The following LMBRD1 variants were observed in gnomAD, a reference collection of about 807,000 sequenced individuals.
The protein encoded by LMBRD1 is LMBR1 domain containing 1, also known as lysosomal cobalamin transport escort protein LMBD1.
LMBRD1 carries 64 observed loss-of-function variants against 74.8 expected under a neutral mutation model. That is an observed-to-expected ratio of 0.86 (90% confidence interval 0.70 to 1.05). The LOEUF (loss-of-function observed/expected upper bound fraction) is 1.05, where lower values mean the gene tolerates loss of function less well. Ranked by LOEUF, LMBRD1 falls within the 50% of genes least tolerant of loss-of-function variation. LMBRD1 has a pLI of 0.00. For synonymous variants in LMBRD1, 204 were observed against 216.3 expected (o/e 0.94, Z 0.50); for missense variants, 652 against 645.9 (o/e 1.01, Z -0.10).
Position 69,746,297 on chromosome 6 carries a change from A to C in LMBRD1, c.473+3044T>G, listed in dbSNP as rs544619801. 3.4e-4 allele frequency: 53 copies of C among 153,694 alleles called. 1 individual carries two copies. Among genetic ancestry groups the C allele is most frequent in the African/African-American group, 1.0e-3 (42 of 41,570 alleles). The allele number at this position is 153,694 out of a possible 1,614,324, so 9.5% of individuals were successfully genotyped here. ...CCATGAGAAGTACAAAAATGGCATT[A>C]AGATGGTCAGCAATGCCTCCTGCAC... On this transcript the variant is annotated intron_variant, in intron 5 of 15. Transcript: ENST00000649934.
At chr6:69,749,170 T>A (rs181414286) in intron 5 of LMBRD1, among the ~76,000 whole-genome samples, 171 bp downstream of exon 5, 18 of 152,112 alleles carry the variant, frequency 1.2e-4, no homozygotes, top group Admixed American at 3.3e-4. Context: ...TGAAACAACA[T>A]AGACAAAACT....
chr6:69,779,651 G>C lies in LMBRD1; in HGVS notation c.307+843C>G, dbSNP rs149217883. The stretch of plus-strand genomic sequence containing the variant: ...GGAAATTGGTAATGATAAAAGGAGA[G>C]GTGAGATTTAAAGTAACTTGACTGA... On this transcript the variant is annotated intron_variant, in intron 3 of 15. Transcript: ENST00000649934. 4.8e-3 allele frequency among the ~76,000 whole-genome samples: 728 copies of C among 152,106 alleles called. 8 individuals carry two copies. The highest frequency in any genetic ancestry group is 0.017 in the Middle Eastern group (5 of 294).
intron 3 of LMBRD1, 144 bp downstream of exon 3, chr6:69,780,350 C>T: frequency 3.0e-6 from 2 of 669,452 alleles, no homozygotes; most frequent in South Asian, 1.5e-5. Context: ...AAACTCCCTG[C>T]TCCTTAAAAC....
intron 7 of LMBRD1, 112 bp downstream of exon 7, chr6:69,737,830 G>C: frequency 2.5e-6 from 2 of 795,916 alleles, no homozygotes; most frequent in Non-Finnish European, 4.1e-6. Context: ...AAGAAAAATT[G>C]AAAAAGAATC....
intron 3 of LMBRD1, among the ~76,000 whole-genome samples, chr6:69,772,980 A>G (rs73745777): frequency 5.5e-4 from 84 of 152,294 alleles, no homozygotes; most frequent in African/African-American, 1.8e-3. Context: ...TAACCTTACG[A>G]AGTAGGTACT....
chr6:69,775,959 A>G (rs9346351), intron 3 of LMBRD1, among the ~76,000 whole-genome samples: 51,329 of 152,128 alleles, frequency 0.34, 9,716 homozygotes, highest in East Asian at 0.54. Context: ...GAAGCTTTCA[A>G]GAGAAAATTA....
At chr6:69,679,059 A>G (rs866905319) in intron 14 of LMBRD1, among the ~76,000 whole-genome samples, 1 of 131,426 alleles carries the variant, frequency 7.6e-6, no homozygotes, top group Non-Finnish European at 1.8e-5. Context: ...AAAAAAAACA[A>G]AAACAAACAA....
At chr6:69,773,647 A>T (rs1765620355) in intron 3 of LMBRD1, among the ~76,000 whole-genome samples, 1 of 152,172 alleles carries the variant, frequency 6.6e-6, no homozygotes, top group Non-Finnish European at 1.5e-5. Flanking sequence ...TTACTACAAA[A>T]TTGTTTTAAC....
At chr6:69,784,749 T>C (rs1765910661) in intron 2 of LMBRD1, among the ~76,000 whole-genome samples, 1 of 152,178 alleles carries the variant, frequency 6.6e-6, no homozygotes, top group South Asian at 2.1e-4. Context: ...TCCTCTGAAA[T>C]ACCCACACTC....
chr6:69,715,689 C>T (rs1766473534), intron 8 of LMBRD1, among the ~76,000 whole-genome samples: 1 of 151,548 alleles, frequency 6.6e-6, no homozygotes, highest in Middle Eastern at 3.5e-3. Flanking sequence ...TTTCTATTTA[C>T]ACACACACAC....
intron 8 of LMBRD1, among the ~76,000 whole-genome samples, chr6:69,718,564 C>A (rs1461223658): frequency 6.6e-6 from 1 of 152,124 alleles, no homozygotes; most frequent in Non-Finnish European, 1.5e-5. Flanking sequence ...GGCTGCGAGG[C>A]CTCAGGAAAC....
intron 8 of LMBRD1, among the ~76,000 whole-genome samples, chr6:69,717,488 A>C (rs1422727490): frequency 3.3e-5 from 5 of 152,180 alleles, no homozygotes; most frequent in Admixed American, 3.3e-4. Context: ...TTTTGAAAAG[A>C]CTTTTTAAAA....
intron 14 of LMBRD1, among the ~76,000 whole-genome samples, chr6:69,689,174 T>C (rs1282546432): frequency 6.6e-6 from 1 of 152,076 alleles, no homozygotes; most frequent in Non-Finnish European, 1.5e-5. Flanking sequence ...AGAAGTTCAA[T>C]CTAAGAATGG....
chr6:69,727,068 G>A (rs1461930788), intron 7 of LMBRD1, among the ~76,000 whole-genome samples: 6 of 152,002 alleles, frequency 3.9e-5, no homozygotes, highest in African/African-American at 7.2e-5. Context: ...GGCAGGAGAC[G>A]GAATTTCTTG....
chr6:69,676,471 A>G lies in LMBRD1; in HGVS notation c.1488T>C (p.Phe496=), dbSNP rs201862516. 5 of 1,613,524 alleles carry G rather than the reference A, an allele frequency of 3.1e-6. No homozygotes were observed. Among genetic ancestry groups the G allele is most frequent in the Middle Eastern group, 1.7e-4 (1 of 6,056 alleles). ...TTACCCCAAGAAAGGCCCAGTTACC[A>G]AAATAGTAAGCAGCACTGAAGAACC... ...KFWFFSAAYY[F]GNWAFLGVFL... The change falls in exon 15 of 16, where the codon TTT becomes TTC. Residue 496 remains phenylalanine, a synonymous_variant. Transcript: ENST00000649934.
chr6:69,719,746 T>C (rs1156296860), intron 7 of LMBRD1, among the ~76,000 whole-genome samples: 1 of 152,212 alleles, frequency 6.6e-6, no homozygotes, highest in Non-Finnish European at 1.5e-5. Flanking sequence ...TTCAGAATCA[T>C]TACTGACCAT....
intron 6 of LMBRD1, among the ~76,000 whole-genome samples, chr6:69,739,782 C>T (rs1767058049): frequency 2.0e-5 from 3 of 148,536 alleles, no homozygotes; most frequent in Non-Finnish European, 4.4e-5. Flanking sequence ...AAGATCTACA[C>T]ATTTTACTAC....
rs1405200654 is a variant in LMBRD1 at position 69,697,500 on chromosome 6, C to T, written c.1417+63G>A. The T allele has an allele frequency of 3.5e-6, 4 of 1,142,490 alleles. No homozygotes were observed. In the African/African-American group the frequency reaches 4.5e-5, roughly 13 times the overall value. The allele number at this position is 1,142,490 out of a possible 1,614,324, so 70.8% of individuals were successfully genotyped here. A position where few individuals can be genotyped will look rare whatever the true frequency, so the allele number is the denominator to read the frequency against. ...AAACAAATGCATCAAATGATTAACACAGCAAAATGCCAGGAAATTCTTTTC... is the reference window on the plus strand; with the variant it reads ...AAACAAATGCATCAAATGATTAACATAGCAAAATGCCAGGAAATTCTTTTC... On this transcript the variant is annotated intron_variant, in intron 14 of 15. Coordinates refer to ENST00000649934, the MANE Select transcript of LMBRD1 (RefSeq NM_018368.4).
intron 13 of LMBRD1, among the ~76,000 whole-genome samples, chr6:69,698,735 C>T (rs538340811): frequency 4.0e-4 from 61 of 151,854 alleles, no homozygotes; most frequent in African/African-American, 1.4e-3. Context: ...TATTAAAATT[C>T]GTTAAAACGT....
Sources: gnomAD v4.1 joint callset for allele counts (sites outside exome capture counted in the v4.1 genomes callset) on GRCh38, gnomAD v4.1.1 for gene constraint, MANE v1.5 for transcripts, NCBI Gene and HGNC (gene_info 2026-07-23, HGNC 2026-07-21) for gene names.